DISC1: variants seen among roughly 807,000 people sequenced by gnomAD.
The protein encoded by DISC1 is disrupted in schizophrenia 1 protein.
A neutral mutation model predicts 84.5 loss-of-function variants in DISC1; 57 were observed. That is an observed-to-expected ratio of 0.67 (90% CI 0.55 to 0.84). The LOEUF (loss-of-function observed/expected upper bound fraction) is 0.84, where lower values mean the gene tolerates loss of function less well. Among genes scored for constraint, DISC1 ranks in the 40% least tolerant of loss-of-function variants. The pLI is 0.00. For synonymous variants in DISC1, 411 were observed against 415.2 expected (o/e 0.99, Z 0.12); for missense variants, 1,000 against 1,057.8 (o/e 0.95, Z 0.76).
intron 9 of DISC1, among the ~76,000 whole-genome samples, chr1:231,905,232 G>A (rs1384855557): frequency 1.3e-5 from 2 of 152,182 alleles, no homozygotes; most frequent in African/African-American, 4.8e-5. Context: ...ACCTGAGTTT[G>A]ATCATGAGTA....
chr1:231,772,359 G>A (rs1379294156), intron 6 of DISC1, among the ~76,000 whole-genome samples: 1 of 152,208 alleles, frequency 6.6e-6, no homozygotes, highest in African/African-American at 2.4e-5. Flanking sequence ...GGGTAGATGA[G>A]CAGTAAGGAC....
chr1:231,716,088 G>A (rs1243167344), intron 3 of DISC1, among the ~76,000 whole-genome samples: 2 of 152,136 alleles, frequency 1.3e-5, no homozygotes, highest in Admixed American at 6.5e-5. Flanking sequence ...AGTGCCTGGA[G>A]GTATTGAAGA....
chr1:231,907,120 T>TTCCCTCCCTCCC (rs1228366389), intron 9 of DISC1, among the ~76,000 whole-genome samples: 3 of 32,652 alleles, frequency 9.2e-5, no homozygotes, highest in Admixed American at 9.2e-4. Context: ...CCTTCCTTCC[T>TTCCCTCCCTCCC]TCCTTCCTTC....
At chr1:231,679,414 G>A (rs1163780708) in intron 1 of DISC1, among the ~76,000 whole-genome samples, 1 of 152,196 alleles carries the variant, frequency 6.6e-6, no homozygotes. Flanking sequence ...CTATCTGAGA[G>A]GAGTGATTGG....
intron 10 of DISC1, among the ~76,000 whole-genome samples, chr1:231,966,758 G>A (rs377451400): frequency 4.6e-5 from 7 of 152,290 alleles, no homozygotes; most frequent in South Asian, 2.1e-4. Context: ...TGATGCTTGC[G>A]TCCTTGTCCT....
intron 10 of DISC1, among the ~76,000 whole-genome samples, chr1:231,978,912 C>T (rs1042309353): frequency 6.6e-6 from 1 of 152,168 alleles, no homozygotes; most frequent in African/African-American, 2.4e-5. Flanking sequence ...AGTACCAGTC[C>T]GCGGCCTGTT....
At chr1:231,692,703 A>C (rs887775221) in intron 1 of DISC1, among the ~76,000 whole-genome samples, 5 of 152,230 alleles carry the variant, frequency 3.3e-5, no homozygotes, top group Non-Finnish European at 7.3e-5. Flanking sequence ...GCAATGTGGC[A>C]GGGTCCTGAG....
chr1:231,946,749 G>A (rs1177327554), intron 9 of DISC1, among the ~76,000 whole-genome samples: 3 of 152,136 alleles, frequency 2.0e-5, no homozygotes, highest in African/African-American at 7.2e-5. Context: ...AAGCTGAAAA[G>A]CAACTTCAGC....
chr1:231,785,363 T>C (rs1409886938), intron 6 of DISC1, among the ~76,000 whole-genome samples: 1 of 151,856 alleles, frequency 6.6e-6, no homozygotes, highest in Non-Finnish European at 1.5e-5. Context: ...CACTGTAGCC[T>C]CAGCCTCCTG....
At chr1:231,712,495 C>A (rs1239035786) in intron 3 of DISC1, among the ~76,000 whole-genome samples, 1 of 152,154 alleles carries the variant, frequency 6.6e-6, no homozygotes. Flanking sequence ...GTTTAAGCAA[C>A]CAAGCAAACA....
Position 231,675,781 on chromosome 1 carries a change from C to G in DISC1, c.68-18045C>G, listed in dbSNP as rs1309072631. ...CCAATGTGTGACATCTTATCTTTTCCTCCATGAGCTCCATTTTTCTGTTCC... is the reference window on the plus strand; with the variant it reads ...CCAATGTGTGACATCTTATCTTTTCGTCCATGAGCTCCATTTTTCTGTTCC... On this transcript the variant is annotated intron_variant, in intron 1 of 12. Transcript: ENST00000439617. This position sits in a 1 kb window ranked among gnomAD's most constrained non-coding sequence, Gnocchi z 4.1. 6.6e-6 allele frequency among the ~76,000 whole-genome samples: 1 copy of G among 152,084 alleles called. No homozygotes were observed. Among genetic ancestry groups the G allele is most frequent in the African/African-American group, 2.4e-5 (1 of 41,428 alleles).
intron 6 of DISC1, among the ~76,000 whole-genome samples, chr1:231,788,183 G>A (rs1325452303): frequency 6.6e-6 from 1 of 152,214 alleles, no homozygotes; most frequent in Non-Finnish European, 1.5e-5. Context: ...TACTTGGGAG[G>A]CTGAGGCAGG....
chr1:231,958,779 A>T lies in DISC1; in HGVS notation c.1982-49A>T, dbSNP rs1183187660. On this transcript the variant is annotated intron_variant, in intron 9 of 12. Transcript: ENST00000439617. The stretch of plus-strand genomic sequence containing the variant: ...GCTTTTAGTTGAATGGTTTTTATTC[A>T]ATTGTGACTGCAGTTGCATTAACTT... 1.9e-6 allele frequency: 3 copies of T among 1,563,860 alleles called. No individual in the cohort carries two copies. The South Asian group carries it at 3.4e-5, about 18-fold the overall frequency.
chr1:231,863,217 G>GTTT (rs2084798953), intron 9 of DISC1, among the ~76,000 whole-genome samples: 2 of 64,606 alleles, frequency 3.1e-5, no homozygotes, highest in African/African-American at 5.7e-5. Context: ...TTTATAAAAT[G>GTTT]TTCTTTTTTT....
In DISC1 at chr1:231,735,776, C is replaced by T. The variant is rs1422698272; in HGVS notation, c.1118-14150C>T. ...AATTGTTGCTATTTTCTATGTTTAT[C>T]TTATTCCTCATCCAAACTGTAACAC... On this transcript the variant is annotated intron_variant, in intron 3 of 12. Coordinates refer to ENST00000439617, the MANE Select transcript of DISC1 (RefSeq NM_018662.3). 2.0e-5 allele frequency among the ~76,000 whole-genome samples: 3 copies of T among 152,124 alleles called. 1 individual carries two copies. The South Asian group carries it at 6.2e-4, about 32-fold the overall frequency.
At position 231,827,081 on chromosome 1, in the gene DISC1, C is replaced by T. The variant is rs7539018; in HGVS notation, c.1981+8564C>T. On this transcript the variant is annotated intron_variant, in intron 9 of 12. Transcript: ENST00000439617. ...TTGGCTCACTGCAACCTCCACCTCC[C>T]GGGTTCAGGCAATTCTTTGCCTCAG... 5.1e-3 allele frequency among the ~76,000 whole-genome samples: 773 copies of T among 152,198 alleles called. 8 individuals are homozygous for T. The highest frequency in any genetic ancestry group is 0.018 in the African/African-American group (736 of 41,540).
intron 10 of DISC1, among the ~76,000 whole-genome samples, chr1:231,983,876 T>C (rs999192789): frequency 6.6e-6 from 1 of 152,210 alleles, no homozygotes; most frequent in Non-Finnish European, 1.5e-5. Context: ...ATGATTGTAT[T>C]CATTTAGATG....
intron 10 of DISC1, among the ~76,000 whole-genome samples, chr1:231,968,285 G>C (rs933803230): frequency 3.3e-5 from 5 of 152,118 alleles, no homozygotes; most frequent in African/African-American, 1.2e-4. Flanking sequence ...CCAGCTCCCT[G>C]TGTTAGGAAA....
chr1:231,974,992 C>T (rs1662580675), intron 10 of DISC1, among the ~76,000 whole-genome samples: 1 of 151,886 alleles, frequency 6.6e-6, no homozygotes, highest in Non-Finnish European at 1.5e-5. Context: ...CCCAGCTACT[C>T]GGGAGGCTGA....
Sources: gnomAD v4.1 joint callset for allele counts (sites outside exome capture counted in the v4.1 genomes callset) on GRCh38, gnomAD v4.1.1 for gene constraint, Gnocchi (gnomAD v3.1) non-coding constraint, MANE v1.5 for transcripts, NCBI Gene and HGNC (gene_info 2026-07-23, HGNC 2026-07-21) for gene names.